Variants in LMBRD1 observed in about 807,000 individuals in gnomAD.
LMBRD1 encodes the protein lysosomal cobalamin transport escort protein LMBD1.
LMBRD1 carries 64 observed loss-of-function variants against 74.8 expected under a neutral mutation model. The observed-to-expected ratio is 0.86, with a 90% confidence interval of 0.70 to 1.05. The LOEUF is 1.05. Among genes scored for constraint, LMBRD1 ranks in the 50% least tolerant of loss-of-function variants. LMBRD1 has a pLI of 0.00. For missense variants in LMBRD1, 652 were observed against 645.9 expected (o/e 1.01, Z -0.10); for synonymous variants, 204 against 216.3 (o/e 0.94, Z 0.50).
At chr6:69,723,903 CA>C (rs1039783645) in intron 7 of LMBRD1, among the ~76,000 whole-genome samples, 8 of 151,660 alleles carry the variant, frequency 5.3e-5, no homozygotes, top group Admixed American at 5.3e-4. Flanking sequence ...AAAAAATTGA[CA>C]AACCTTTAGC....
intron 6 of LMBRD1, among the ~76,000 whole-genome samples, chr6:69,740,316 A>G (rs562956866): frequency 6.6e-6 from 1 of 152,198 alleles, no homozygotes; most frequent in South Asian, 2.1e-4. Flanking sequence ...TAAAGACTAA[A>G]GAGAATGGAA....
At chr6:69,720,886 G>C (rs898663273) in intron 7 of LMBRD1, among the ~76,000 whole-genome samples, 1 of 152,110 alleles carries the variant, frequency 6.6e-6, no homozygotes, top group African/African-American at 2.4e-5. Context: ...ATCCCCCAGC[G>C]GCAGCCATGA....
At chr6:69,771,952 A>AG (rs1765585770) in intron 3 of LMBRD1, among the ~76,000 whole-genome samples, 1 of 152,148 alleles carries the variant, frequency 6.6e-6, no homozygotes, top group Admixed American at 6.6e-5. Context: ...TTTCTGCCAT[A>AG]TTTGACTCAA....
At chr6:69,771,012 A>C (rs1484819740) in intron 3 of LMBRD1, among the ~76,000 whole-genome samples, 1 of 152,216 alleles carries the variant, frequency 6.6e-6, no homozygotes, top group African/African-American at 2.4e-5. Flanking sequence ...TGAAATGTTC[A>C]AGGAACATTA....
chr6:69,694,769 A>G (rs1315509697), intron 14 of LMBRD1, among the ~76,000 whole-genome samples: 1 of 152,216 alleles, frequency 6.6e-6, no homozygotes, highest in Non-Finnish European at 1.5e-5. Flanking sequence ...GAGAAAAATT[A>G]TACAAGTTGT....
intron 1 of LMBRD1, 32 bp downstream of exon 1, chr6:69,796,781 A>C (rs753436012): frequency 1.2e-6 from 2 of 1,603,242 alleles, no homozygotes; most frequent in Non-Finnish European, 1.7e-6. Flanking sequence ...CCCCAGTCCA[A>C]ACATGGGGAA....
At chr6:69,700,475 T>C (rs1450190022) in intron 12 of LMBRD1, among the ~76,000 whole-genome samples, 2 of 151,942 alleles carry the variant, frequency 1.3e-5, no homozygotes, top group African/African-American at 4.8e-5. Context: ...GGATTTTTAA[T>C]AGAATCTCTG....
intron 7 of LMBRD1, among the ~76,000 whole-genome samples, chr6:69,720,503 T>C (rs1327922918): frequency 2.0e-5 from 3 of 152,222 alleles, no homozygotes; most frequent in Non-Finnish European, 4.4e-5. Flanking sequence ...CTTAAATGGC[T>C]GGGACTAGAA....
At chr6:69,714,206 G>A (rs1766444852) in intron 8 of LMBRD1, among the ~76,000 whole-genome samples, 1 of 151,900 alleles carries the variant, frequency 6.6e-6, no homozygotes, top group South Asian at 2.1e-4. Context: ...CTTTAGTCAA[G>A]TGGTTATGTT....
At chr6:69,714,031 A>G (rs1331074656) in intron 8 of LMBRD1, among the ~76,000 whole-genome samples, 1 of 152,070 alleles carries the variant, frequency 6.6e-6, no homozygotes, top group East Asian at 1.9e-4. Flanking sequence ...ATCCCAATAC[A>G]TGGTAGAGTT....
chr6:69,687,924 G>A (rs950815190), intron 14 of LMBRD1, among the ~76,000 whole-genome samples: 4 of 152,064 alleles, frequency 2.6e-5, no homozygotes, highest in Admixed American at 6.5e-5. Context: ...CCTGAAGAGG[G>A]TTATGTTCTT....
chr6:69,680,237 G>A (rs1426499931), intron 14 of LMBRD1, among the ~76,000 whole-genome samples: 4 of 152,094 alleles, frequency 2.6e-5, no homozygotes, highest in South Asian at 4.1e-4. Context: ...TATCATTCAT[G>A]GTTTAAGTAT....
intron 1 of LMBRD1, among the ~76,000 whole-genome samples, chr6:69,795,453 AT>A (rs1268344258): frequency 6.6e-6 from 1 of 152,178 alleles, no homozygotes; most frequent in Non-Finnish European, 1.5e-5. Flanking sequence ...TTAAAGCCGT[AT>A]TTTGTTTGGT....
chr6:69,725,099 A>T (rs1438959211), intron 7 of LMBRD1, among the ~76,000 whole-genome samples: 1 of 152,116 alleles, frequency 6.6e-6, no homozygotes, highest in Non-Finnish European at 1.5e-5. Context: ...AATTTAAAAA[A>T]GTAAGCCCAT....
Position 69,796,850 on chromosome 6 carries a change from A to G in LMBRD1, c.32T>C (p.Leu11Pro), listed in dbSNP as rs552847670. The change falls in exon 1 of 16, where the codon CTG becomes CCG. Residue 11 changes from leucine (L) to proline (P), a missense_variant. Physicochemically the swap from Leu to Pro is moderately conservative, Grantham distance 98 (BLOSUM62 -3). This residue lies in a region of LMBRD1 where 598 missense variants were observed against 581.8 expected (regional missense o/e 1.03). Transcript: ENST00000649934. MATSGAASAE[L>P]VIGWCIFGLL... ...GCCGAATATGCACCAGCCGATCACC[A>G]GCTCCGCCGAGGCCGCGCCAGAAGT... 1 of 1,613,626 alleles carries G rather than the reference A, an allele frequency of 6.2e-7. No homozygotes were observed. The highest frequency in any genetic ancestry group is 1.3e-5 in the African/African-American group (1 of 74,840).
chr6:69,770,558 G>A (rs1267714666), intron 3 of LMBRD1, among the ~76,000 whole-genome samples: 1 of 152,126 alleles, frequency 6.6e-6, no homozygotes, highest in Non-Finnish European at 1.5e-5. Flanking sequence ...TAACAACACG[G>A]AAGTACACAT....
Position 69,705,454 on chromosome 6 carries a change from C to G in LMBRD1, c.916-3501G>C. On this transcript the variant is annotated intron_variant, in intron 9 of 15. Coordinates refer to ENST00000649934, the MANE Select transcript of LMBRD1 (RefSeq NM_018368.4). Reference sequence around the variant, plus strand: ...TTAATGTCTTCTACAGAACTAGGTCCTTTTGGTGTTTTAGGAGATTTTTCC... The same window carrying G: ...TTAATGTCTTCTACAGAACTAGGTCGTTTTGGTGTTTTAGGAGATTTTTCC... The G allele has an allele frequency of 5.3e-6, 7 of 1,326,478 alleles. 1 individual carries two copies. Among genetic ancestry groups the G allele is most frequent in the Non-Finnish European group, 7.5e-6 (7 of 938,826 alleles). The allele number at this position is 1,326,478 out of a possible 1,614,324, so 82.2% of individuals were successfully genotyped here.
chr6:69,762,092 A>G (rs539671647), intron 3 of LMBRD1, among the ~76,000 whole-genome samples: 1 of 152,312 alleles, frequency 6.6e-6, no homozygotes, highest in Admixed American at 6.5e-5. Context: ...TAATTTGCCA[A>G]CTTGTAACTC....
chr6:69,712,138 A>G (rs1013408167), intron 9 of LMBRD1, among the ~76,000 whole-genome samples: 1 of 152,082 alleles, frequency 6.6e-6, no homozygotes, highest in African/African-American at 2.4e-5. Context: ...TCTGAATTAC[A>G]ACTTGTGTGC....
Sources: gnomAD v4.1 joint callset for allele counts (sites outside exome capture counted in the v4.1 genomes callset) on GRCh38, gnomAD v4.1.1 for gene constraint, gnomAD v4.1.1 regional missense constraint, MANE v1.5 for transcripts, NCBI Gene and HGNC (gene_info 2026-07-23, HGNC 2026-07-21) for gene names.